The following EVI5 variants were observed in gnomAD, a reference collection of about 807,000 sequenced individuals.
EVI5 encodes the protein ecotropic viral integration site 5, also known as ecotropic viral integration site 5 protein homolog.
Under a neutral mutation model 112.0 loss-of-function variants are expected in EVI5, and 73 were observed. That is an observed-to-expected ratio of 0.65 (90% CI 0.54 to 0.79). The LOEUF (loss-of-function observed/expected upper bound fraction) is 0.79. Among genes scored for constraint, EVI5 ranks in the 30% least tolerant of loss-of-function variants. EVI5 has a pLI of 0.00. For synonymous variants in EVI5, 305 were observed against 319.9 expected (o/e 0.95, Z 0.50); for missense variants, 900 against 968.8 (o/e 0.93, Z 0.94).
chr1:92,568,578 G>A (rs762235705), intron 18 of EVI5, among the ~76,000 whole-genome samples: 1 of 152,024 alleles, frequency 6.6e-6, no homozygotes, highest in Non-Finnish European at 1.5e-5. Flanking sequence ...AGTACTACCA[G>A]GTACCATCCT....
At chr1:92,602,896 A>G (rs1430378984) in intron 18 of EVI5, among the ~76,000 whole-genome samples, 1 of 152,222 alleles carries the variant, frequency 6.6e-6, no homozygotes, top group Non-Finnish European at 1.5e-5. Context: ...AACACTATCA[A>G]CAAAGAAAAG....
intron 1 of EVI5, among the ~76,000 whole-genome samples, chr1:92,742,811 G>T (rs1447137742): frequency 2.0e-5 from 3 of 152,216 alleles, no homozygotes; most frequent in Admixed American, 1.3e-4. Flanking sequence ...AATATAAATG[G>T]CACAGCTGCT....
intron 15 of EVI5, among the ~76,000 whole-genome samples, chr1:92,624,660 T>C (rs1192721062): frequency 8.8e-6 from 1 of 113,412 alleles, no homozygotes; most frequent in East Asian, 2.9e-4. Flanking sequence ...CTGGCCAACA[T>C]GTTGAAACCC....
intron 2 of EVI5, among the ~76,000 whole-genome samples, chr1:92,735,756 AATATG>A (rs1287588051): frequency 7.8e-4 from 113 of 144,108 alleles, no homozygotes; most frequent in Middle Eastern, 3.6e-3. Flanking sequence ...ATTAAAATAT[AATATG>A]ATATATGTTA....
At chr1:92,754,811 G>A (rs941278047) in intron 1 of EVI5, among the ~76,000 whole-genome samples, 7 of 152,138 alleles carry the variant, frequency 4.6e-5, no homozygotes, top group African/African-American at 1.7e-4. Flanking sequence ...TTCAACATGG[G>A]AAGAAAGCGC....
chr1:92,607,019 C>A (rs1326919753), intron 17 of EVI5, among the ~76,000 whole-genome samples: 5 of 152,036 alleles, frequency 3.3e-5, no homozygotes, highest in Admixed American at 1.3e-4. Flanking sequence ...AAAGAATGTA[C>A]TTGCATTCAA....
rs1184172805 is a variant in EVI5, at chr1:92,569,852, CAAAAAAAAA to C, written c.2071-6124_2071-6116del. On this transcript the variant is annotated intron_variant, in intron 18 of 19. Coordinates refer to ENST00000684568, the MANE Select transcript of EVI5 (RefSeq NM_001350197.2). ...CTGGCGATGGAGGGAGACTCCATCTCAAAAAAAAAAAAAAAAAAAAAAAAAGAAATATTT... is the reference window on the plus strand; with the variant it reads ...CTGGCGATGGAGGGAGACTCCATCTCAAAAAAAAAAAAAAAAGAAATATTT... 5.7e-3 allele frequency among the ~76,000 whole-genome samples: 224 copies of C among 39,510 alleles called. 1 individual carries two copies. Among genetic ancestry groups the C allele is most frequent in the Admixed American group, 0.013 (48 of 3,822 alleles). The allele number at this position is 39,510 out of a possible 152,430, so 25.9% of individuals were successfully genotyped here.
At chr1:92,757,957 C>A (rs953465615) in intron 1 of EVI5, among the ~76,000 whole-genome samples, 1 of 141,590 alleles carries the variant, frequency 7.1e-6, no homozygotes, top group African/African-American at 2.6e-5. Flanking sequence ...TAAGAAAAAA[C>A]TGGTAATAAC....
chr1:92,645,333 A>G (rs924272178), intron 13 of EVI5, among the ~76,000 whole-genome samples: 2 of 152,176 alleles, frequency 1.3e-5, no homozygotes, highest in African/African-American at 4.8e-5. Context: ...TGTTTTGATT[A>G]GATTTCCATA....
At chr1:92,561,391 C>A (rs979670020) in intron 19 of EVI5, among the ~76,000 whole-genome samples, 1 of 151,994 alleles carries the variant, frequency 6.6e-6, no homozygotes, top group African/African-American at 2.4e-5. Context: ...TTTAAATCTG[C>A]ACAATCTAGC....
intron 2 of EVI5, among the ~76,000 whole-genome samples, chr1:92,721,682 T>C (rs1020710962): frequency 3.9e-5 from 6 of 151,932 alleles, no homozygotes; most frequent in Admixed American, 2.0e-4. Context: ...ATAACAATAA[T>C]TTTTTTTAAA....
intron 2 of EVI5, among the ~76,000 whole-genome samples, chr1:92,735,862 A>C (rs1677344149): frequency 6.9e-6 from 1 of 145,602 alleles, no homozygotes; most frequent in South Asian, 2.1e-4. Flanking sequence ...ATATATATAA[A>C]TAAATATATA....
chr1:92,743,269 C>T (rs1207800842), intron 1 of EVI5, among the ~76,000 whole-genome samples: 2 of 152,120 alleles, frequency 1.3e-5, no homozygotes, highest in Non-Finnish European at 1.5e-5. Context: ...AAGAGAATCG[C>T]TTGAACCCAG....
At chr1:92,529,918 T>A (rs1662569298) in intron 19 of EVI5, among the ~76,000 whole-genome samples, 1 of 152,228 alleles carries the variant, frequency 6.6e-6, no homozygotes, top group Non-Finnish European at 1.5e-5. Flanking sequence ...ATAAATACTT[T>A]CATAAATATT....
At chr1:92,655,494 A>AC (rs1662847309) in intron 13 of EVI5, among the ~76,000 whole-genome samples, 1 of 152,186 alleles carries the variant, frequency 6.6e-6, no homozygotes, top group African/African-American at 2.4e-5. Flanking sequence ...CTAAACATGT[A>AC]AACAAAAGGT....
At chr1:92,763,730 T>C (rs1682218407) in intron 1 of EVI5, among the ~76,000 whole-genome samples, 1 of 152,202 alleles carries the variant, frequency 6.6e-6, no homozygotes, top group African/African-American at 2.4e-5. Flanking sequence ...GCCAAGAGTT[T>C]GAGGCTGTAG....
chr1:92,551,418 G>C (rs190070049), intron 19 of EVI5, among the ~76,000 whole-genome samples: 3 of 152,264 alleles, frequency 2.0e-5, no homozygotes, highest in Admixed American at 6.5e-5. Flanking sequence ...ATGGGAGTTA[G>C]ATGAAGAGTA....
intron 2 of EVI5, among the ~76,000 whole-genome samples, chr1:92,717,946 A>T (rs887851836): frequency 6.6e-6 from 1 of 152,232 alleles, no homozygotes; most frequent in Admixed American, 6.5e-5. Flanking sequence ...CAAAAGAGAC[A>T]AAGAAGGCCA....
At chr1:92,600,669 C>T (rs1416025014) in intron 18 of EVI5, among the ~76,000 whole-genome samples, 2 of 152,164 alleles carry the variant, frequency 1.3e-5, no homozygotes, top group African/African-American at 4.8e-5. Context: ...ACCAACACCC[C>T]TGACATGTGC....
Sources: allele counts gnomAD v4.1 joint callset (sites outside exome capture counted in the v4.1 genomes callset), GRCh38; gene constraint gnomAD v4.1.1; transcripts MANE v1.5; gene names NCBI Gene and HGNC (gene_info 2026-07-23, HGNC 2026-07-21).